The following RAB28 variants were observed in gnomAD, a reference collection of about 807,000 sequenced individuals.
RAB28 encodes ras-related protein Rab-28.
RAB28 carries 24 observed loss-of-function variants against 31.7 expected under a neutral mutation model. The observed-to-expected ratio is 0.76, with a 90% CI of 0.55 to 1.06. The LOEUF (loss-of-function observed/expected upper bound fraction) is 1.06. Among genes scored for constraint, RAB28 ranks in the 50% least tolerant of loss-of-function variants. The pLI, the probability that RAB28 is intolerant of heterozygous loss-of-function variation, is 0.00. For synonymous variants in RAB28, 100 were observed against 90.4 expected, an observed-to-expected ratio of 1.11 and a Z score of -0.60; for missense variants, 254 against 258.5, an observed-to-expected ratio of 0.98 and a Z score of 0.12.
At chr4:13,409,203 C>T (rs1196669405) in intron 4 of RAB28, among the ~76,000 whole-genome samples, 5 of 152,108 alleles carry the variant, frequency 3.3e-5, no homozygotes, top group Admixed American at 2.0e-4. Context: ...AAGCAAAATA[C>T]ATTACCTCTG....
At chr4:13,418,209 A>C (rs2108917394) in intron 4 of RAB28, among the ~76,000 whole-genome samples, 1 of 152,356 alleles carries the variant, frequency 6.6e-6, no homozygotes, top group Non-Finnish European at 1.5e-5. Flanking sequence ...GAGAAAAAAG[A>C]GTAAAAAGAA....
chr4:13,413,417 T>G (rs771495561), intron 4 of RAB28, among the ~76,000 whole-genome samples: 6 of 152,230 alleles, frequency 3.9e-5, no homozygotes, highest in Non-Finnish European at 4.4e-5. Context: ...TATTTAAACT[T>G]AAAACCAAGA....
intron 4 of RAB28, among the ~76,000 whole-genome samples, chr4:13,443,967 TA>T (rs1209240951): frequency 6.6e-6 from 1 of 152,116 alleles, no homozygotes; most frequent in African/African-American, 2.4e-5. Flanking sequence ...TTATTTTACT[TA>T]GCATAATGTT....
At chr4:13,373,148 G>T (rs750441062) in intron 6 of RAB28, among the ~76,000 whole-genome samples, 15 of 152,070 alleles carry the variant, frequency 9.9e-5, no homozygotes, top group Non-Finnish European at 2.1e-4. Flanking sequence ...CACAAGACAG[G>T]ACTGAAAGGA....
At chr4:13,426,070 C>A (rs1713466287) in intron 4 of RAB28, among the ~76,000 whole-genome samples, 1 of 152,052 alleles carries the variant, frequency 6.6e-6, no homozygotes, top group African/African-American at 2.4e-5. Flanking sequence ...GGCTGTATTA[C>A]CATCAAATTT....
chr4:13,430,199 A>G (rs2108930217), intron 4 of RAB28, among the ~76,000 whole-genome samples: 2 of 152,310 alleles, frequency 1.3e-5, no homozygotes, highest in Middle Eastern at 6.8e-3. Context: ...AAATGGATCA[A>G]AAGAGAACAA....
intron 3 of RAB28, among the ~76,000 whole-genome samples, chr4:13,472,039 T>C (rs961338157): frequency 2.0e-5 from 3 of 152,132 alleles, no homozygotes; most frequent in African/African-American, 7.2e-5. Context: ...CTGCTTACTG[T>C]AGGCAGCTTT....
chr4:13,391,476 C>A (rs974787015), intron 4 of RAB28, among the ~76,000 whole-genome samples: 89 of 152,298 alleles, frequency 5.8e-4, no homozygotes, highest in African/African-American at 2.0e-3. Context: ...ATTAGTTCAA[C>A]CATTGTGGAA....
At chr4:13,474,994 C>T (rs529595572) in intron 2 of RAB28, among the ~76,000 whole-genome samples, 66 of 151,668 alleles carry the variant, frequency 4.4e-4, no homozygotes, top group Non-Finnish European at 8.7e-4. Context: ...AAAATAGAAA[C>T]GCATTTGATA....
At chr4:13,472,952 G>A (rs2108971048) in intron 3 of RAB28, among the ~76,000 whole-genome samples, 1 of 152,036 alleles carries the variant, frequency 6.6e-6, no homozygotes, top group African/African-American at 2.4e-5. Flanking sequence ...TGCTATAAAT[G>A]TGAACAGAAA....
At chr4:13,480,717 A>G (rs1361537662) in intron 1 of RAB28, among the ~76,000 whole-genome samples, 1 of 151,952 alleles carries the variant, frequency 6.6e-6, no homozygotes. Flanking sequence ...AATTTCGAAG[A>G]TAATTGGCCA....
At chr4:13,438,316 C>A (rs974170256) in intron 4 of RAB28, among the ~76,000 whole-genome samples, 2 of 152,076 alleles carry the variant, frequency 1.3e-5, no homozygotes, top group East Asian at 3.9e-4. Context: ...CATTTTAAAG[C>A]GTACAGTTTT....
chr4:13,459,786 C>T (rs1715495336), intron 4 of RAB28: 1 of 1,194,152 alleles, frequency 8.4e-7, no homozygotes. Flanking sequence ...AATGTAGACA[C>T]TTCTTTCTTC....
intron 4 of RAB28, among the ~76,000 whole-genome samples, chr4:13,407,853 G>A (rs116838811): frequency 0.014 from 2,092 of 152,238 alleles, 24 homozygotes; most frequent in Middle Eastern, 0.044. Context: ...TGCAATTTTT[G>A]CACATTGATT....
chr4:13,444,036 T>G (rs920061978), intron 4 of RAB28, among the ~76,000 whole-genome samples: 1 of 151,792 alleles, frequency 6.6e-6, no homozygotes, highest in Non-Finnish European at 1.5e-5. Context: ...TTTTTTTTCT[T>G]TTTTTTATCA....
intron 3 of RAB28, among the ~76,000 whole-genome samples, chr4:13,470,068 G>A (rs778462085): frequency 1.1e-4 from 16 of 151,956 alleles, no homozygotes; most frequent in Non-Finnish European, 1.8e-4. Context: ...ATAATAGTTC[G>A]TCAGTGTAAC....
intron 4 of RAB28, among the ~76,000 whole-genome samples, chr4:13,453,297 T>C (rs192301116): frequency 5.3e-5 from 8 of 152,308 alleles, no homozygotes; most frequent in Middle Eastern, 3.4e-3. Flanking sequence ...TGAAGACTTA[T>C]ACCTGTCATT....
intron 4 of RAB28, among the ~76,000 whole-genome samples, chr4:13,412,633 T>G (rs1560282381): frequency 6.6e-6 from 1 of 151,832 alleles, no homozygotes; most frequent in Admixed American, 6.6e-5. Flanking sequence ...AAGTGAAGAA[T>G]AATAATACAG....
At chr4:13,463,334 G>A (rs994455496) in intron 3 of RAB28, among the ~76,000 whole-genome samples, 1 of 152,158 alleles carries the variant, frequency 6.6e-6, no homozygotes, top group African/African-American at 2.4e-5. Context: ...CAGGATGAGA[G>A]ATATGGAACA....
Sources: gnomAD v4.1 joint callset for allele counts (sites outside exome capture counted in the v4.1 genomes callset) on GRCh38, gnomAD v4.1.1 for gene constraint, MANE v1.5 for transcripts, NCBI Gene and HGNC (gene_info 2026-07-23, HGNC 2026-07-21) for gene names.